The following LMO7 variants were observed in gnomAD, a reference collection of about 807,000 sequenced individuals.
LMO7 encodes the protein LIM domain only protein 7.
Under a neutral mutation model 206.5 loss-of-function variants are expected in LMO7, and 120 were observed. The ratio of observed to expected loss-of-function variants is 0.58; its 90% CI spans 0.50 to 0.68. LMO7 has a LOEUF of 0.68. LMO7 is among the 30% of genes least tolerant of loss of function. The pLI, the probability that LMO7 is intolerant of heterozygous loss-of-function variation, is 0.00. For missense variants in LMO7, 1,959 were observed against 1,957.9 expected (o/e 1.00, Z -0.01); for synonymous variants, 706 against 681.5 (o/e 1.04, Z -0.56).
chr13:75,733,616 A>G (rs898705294), intron 3 of LMO7, among the ~76,000 whole-genome samples: 1 of 152,118 alleles, frequency 6.6e-6, no homozygotes, highest in Non-Finnish European at 1.5e-5. Context: ...TGGCTCATGC[A>G]TCGTGCACTG....
chr13:75,716,363 G>A (rs1051007968), intron 2 of LMO7, among the ~76,000 whole-genome samples: 4 of 152,096 alleles, frequency 2.6e-5, no homozygotes, highest in East Asian at 1.9e-4. Context: ...AGTTATATGC[G>A]TTCATTGCCT....
At chr13:75,763,099 AAAGGACTTAGTGTTGGTTAG>A (rs2048401227) in intron 4 of LMO7, among the ~76,000 whole-genome samples, 1 of 152,142 alleles carries the variant, frequency 6.6e-6, no homozygotes, top group Admixed American at 6.6e-5. Context: ...ATTGTAGATC[AAAGGACTTAGTGTTGGTTAG>A]ATCAGTGGTT....
chr13:75,725,949 C>G (rs1323712), intron 2 of LMO7, among the ~76,000 whole-genome samples: 64,503 of 150,544 alleles, frequency 0.43, 14,006 homozygotes, highest in East Asian at 0.61. Context: ...ATATATAAGT[C>G]TTTGGAATGT....
chr13:75,718,887 T>C (rs1263658280), intron 2 of LMO7, among the ~76,000 whole-genome samples: 1 of 152,136 alleles, frequency 6.6e-6, no homozygotes, highest in Non-Finnish European at 1.5e-5. Context: ...GTTGGACTCA[T>C]ACAGTGCATA....
At chr13:75,795,628 T>A (rs573527450) in intron 5 of LMO7, among the ~76,000 whole-genome samples, 197 bp downstream of exon 5, 4 of 152,224 alleles carry the variant, frequency 2.6e-5, no homozygotes, top group Non-Finnish European at 2.9e-5. Context: ...CTCCCACTTA[T>A]AAGGGAGAAC....
At chr13:75,671,825 A>G (rs1369625695) in intron 1 of LMO7, among the ~76,000 whole-genome samples, 1 of 152,126 alleles carries the variant, frequency 6.6e-6, no homozygotes, top group Non-Finnish European at 1.5e-5. Context: ...CTCAAGTTCC[A>G]TAGCCAGCCT....
At chr13:75,671,506 C>G (rs559971092) in intron 1 of LMO7, among the ~76,000 whole-genome samples, 51 of 152,074 alleles carry the variant, frequency 3.4e-4, no homozygotes, top group African/African-American at 1.1e-3. Context: ...ACATCTTTAT[C>G]CGGCGTGTGA....
chr13:75,777,100 T>C (rs977231664), intron 4 of LMO7, among the ~76,000 whole-genome samples: 1 of 152,246 alleles, frequency 6.6e-6, no homozygotes, highest in African/African-American at 2.4e-5. Flanking sequence ...GGTGTAGTTA[T>C]TTTCACTGCA....
intron 3 of LMO7, among the ~76,000 whole-genome samples, chr13:75,755,305 G>A (rs2047592764): frequency 6.6e-6 from 1 of 152,124 alleles, no homozygotes; most frequent in Admixed American, 6.5e-5. Context: ...TTTTCTTATG[G>A]CGTCATCTGC....
At chr13:75,828,039 C>T (rs561808901) in intron 15 of LMO7, among the ~76,000 whole-genome samples, 2 of 152,338 alleles carry the variant, frequency 1.3e-5, no homozygotes, top group African/African-American at 2.4e-5. Flanking sequence ...GTGTCTGCAT[C>T]TGTACATGTT....
chr13:75,808,255 T>C (rs2055812987), intron 10 of LMO7, 56 bp downstream of exon 10: 1 of 1,503,958 alleles, frequency 6.6e-7, no homozygotes, highest in Non-Finnish European at 8.9e-7. Context: ...TGTGTAACTT[T>C]TCTCATGCGA....
intron 2 of LMO7, among the ~76,000 whole-genome samples, chr13:75,722,281 A>G (rs2138426987): frequency 6.6e-6 from 1 of 152,346 alleles, no homozygotes; most frequent in South Asian, 2.1e-4. Context: ...AGAGTGGGAG[A>G]AAATCTTTGC....
At chr13:75,626,911 T>G (rs554760225) in intron 2 of LMO7, 1 of 152,118 alleles carries the variant, frequency 6.6e-6, no homozygotes, top group East Asian at 1.9e-4. Context: ...GTACGATACA[T>G]TATTGTTGAC....
At chr13:75,774,384 T>C (rs966521097) in intron 4 of LMO7, among the ~76,000 whole-genome samples, 9 of 152,300 alleles carry the variant, frequency 5.9e-5, no homozygotes, top group Middle Eastern at 3.4e-3. Flanking sequence ...TCCTTATTAC[T>C]AAGCAGTATT....
At chr13:75,721,129 C>G (rs906556709) in intron 2 of LMO7, among the ~76,000 whole-genome samples, 14 of 152,174 alleles carry the variant, frequency 9.2e-5, no homozygotes, top group African/African-American at 3.4e-4. Context: ...TAGAGAATAT[C>G]AAGGTTTGAC....
rs1409212139 is a variant in LMO7 at position 75,636,629 on chromosome 13, A to G, written c.-29A>G. 21 of 1,564,922 alleles carry G rather than the reference A, an allele frequency of 1.3e-5. No individual in the cohort carries two copies. Among genetic ancestry groups the G allele is most frequent in the Non-Finnish European group, 1.6e-5 (19 of 1,155,440 alleles). The stretch of plus-strand genomic sequence containing the variant: ...CAACCCCTCCCCTCCACGCATCCCG[A>G]GTCTCTCTCTCCCTCCCTTGTCCTA... On this transcript the variant is annotated 5_prime_UTR_variant, in exon 1 of 31. Coordinates refer to ENST00000377534, the MANE Select transcript of LMO7 (RefSeq NM_001306080.2).
intron 4 of LMO7, among the ~76,000 whole-genome samples, chr13:75,776,164 T>TATATATATATATATATATATATATATCGG (rs2050399024): frequency 4.0e-5 from 1 of 25,158 alleles, no homozygotes; most frequent in African/African-American, 1.8e-4. Flanking sequence ...ATATATCGGA[T>TATATATATATATATATATATATATATCGG]ATATATATAT....
At chr13:75,810,669 A>T (rs1422431708) in intron 11 of LMO7, among the ~76,000 whole-genome samples, 1 of 152,250 alleles carries the variant, frequency 6.6e-6, no homozygotes, top group Non-Finnish European at 1.5e-5. Flanking sequence ...TTCATTTGTA[A>T]ATTAAATATA....
intron 28 of LMO7, 88 bp from the exon 29 acceptor site, chr13:75,855,172 T>A: frequency 1.4e-6 from 1 of 738,064 alleles, no homozygotes; most frequent in South Asian, 1.8e-5. Flanking sequence ...TAAATTATTA[T>A]CAGTGTTAAT....
Sources: allele counts gnomAD v4.1 joint callset (sites outside exome capture counted in the v4.1 genomes callset), GRCh38; gene constraint gnomAD v4.1.1; transcripts MANE v1.5; gene names NCBI Gene and HGNC (gene_info 2026-07-23, HGNC 2026-07-21).